MID1: variants seen among roughly 807,000 people sequenced by gnomAD.
The protein encoded by MID1 is midline 1.
In MID1, 7 loss-of-function variants were observed where a neutral mutation model predicts 40.4. That is an observed-to-expected ratio of 0.17 (90% confidence interval 0.10 to 0.33). The LOEUF is 0.33. MID1 is among the 10% of genes least tolerant of loss of function. MID1 has a pLI of 1.00. For missense variants in MID1, 367 were observed against 558.5 expected, an observed-to-expected ratio of 0.66 and a Z score of 3.46; for synonymous variants, 229 against 221.2, an observed-to-expected ratio of 1.04 and a Z score of -0.31.
intron 1 of MID1, among the ~76,000 whole-genome samples, chrX:10,794,484 T>C (rs1013231518): frequency 8.9e-6 from 1 of 112,236 alleles, no homozygotes; most frequent in Non-Finnish European, 1.9e-5. Context: ...AACCATCACA[T>C]AGAAACCAGT....
chrX:10,489,286 C>T (rs7890499), intron 4 of MID1, among the ~76,000 whole-genome samples: 7,825 of 111,992 alleles, frequency 0.07, 563 homozygotes, highest in African/African-American at 0.21. Flanking sequence ...CTTTTGTCAT[C>T]TGTATGTAAA....
At chrX:10,492,638 G>A (rs1227144797) in intron 4 of MID1, among the ~76,000 whole-genome samples, 1 of 111,934 alleles carries the variant, frequency 8.9e-6, no homozygotes, top group Non-Finnish European at 1.9e-5. Context: ...CCCATCTGGA[G>A]CACTTCTAGG....
At chrX:10,693,605 T>C (rs1487491584) in intron 1 of MID1, among the ~76,000 whole-genome samples, 3 of 111,990 alleles carry the variant, frequency 2.7e-5, no homozygotes, top group Non-Finnish European at 1.9e-5. Flanking sequence ...AGAGGCTAAA[T>C]GACTATCAAA....
chrX:10,804,109 T>C (rs2044027941), intron 1 of MID1, among the ~76,000 whole-genome samples: 1 of 112,272 alleles, frequency 8.9e-6, no homozygotes, highest in Admixed American at 9.5e-5. Context: ...GCTTCTATAA[T>C]AGCATTTCCT....
At chrX:10,762,066 C>A (rs191806934) in intron 1 of MID1, among the ~76,000 whole-genome samples, 1 of 111,612 alleles carries the variant, frequency 9.0e-6, no homozygotes, top group East Asian at 2.8e-4. Context: ...ACAATAATTA[C>A]AATATTTACC....
chrX:10,661,502 CG>C (rs1315458620), intron 1 of MID1, among the ~76,000 whole-genome samples: 1 of 109,383 alleles, frequency 9.1e-6, no homozygotes, highest in African/African-American at 3.3e-5. Context: ...TTAGCAGAGA[CG>C]GGGTTTCCAC....
intron 1 of MID1, among the ~76,000 whole-genome samples, chrX:10,752,141 A>T (rs1022116538): frequency 9.0e-6 from 1 of 111,547 alleles, no homozygotes; most frequent in African/African-American, 3.3e-5. Context: ...CCTATAAATT[A>T]CCTAGTCTCA....
chrX:10,695,421 C>T (rs2147079003), intron 1 of MID1, among the ~76,000 whole-genome samples: 1 of 111,952 alleles, frequency 8.9e-6, no homozygotes, highest in African/African-American at 3.2e-5. Context: ...GCCACCATGC[C>T]CAGCCTAAGA....
chrX:10,621,373 CA>C (rs1483040242), upstream of MID1, among the ~76,000 whole-genome samples: 2 of 111,063 alleles, frequency 1.8e-5, no homozygotes, highest in African/African-American at 3.3e-5. Context: ...AAACTCAGAC[CA>C]AAAAAAATTT....
At chrX:10,768,677 A>T (rs1259494931) in intron 1 of MID1, among the ~76,000 whole-genome samples, 1 of 112,131 alleles carries the variant, frequency 8.9e-6, no homozygotes, top group African/African-American at 3.2e-5. Flanking sequence ...TCACTTTTAG[A>T]GAAAGAACAC....
At chrX:10,520,458 C>T (rs1013534837) in intron 3 of MID1, among the ~76,000 whole-genome samples, 1 of 112,244 alleles carries the variant, frequency 8.9e-6, no homozygotes, top group Non-Finnish European at 1.9e-5. Context: ...ACACTGTTCT[C>T]TAACATATTG....
At chrX:10,773,657 T>C (rs1425164831) in intron 1 of MID1, among the ~76,000 whole-genome samples, 1 of 112,431 alleles carries the variant, frequency 8.9e-6, no homozygotes, top group African/African-American at 3.2e-5. Flanking sequence ...TTGTAAATTA[T>C]GTTGTATTGT....
At chrX:10,802,561 C>A (rs1382552605) in intron 1 of MID1, among the ~76,000 whole-genome samples, 4 of 111,895 alleles carry the variant, frequency 3.6e-5, no homozygotes, top group Non-Finnish European at 7.5e-5. Context: ...TGTTTATAAA[C>A]TGTTGATTGT....
chrX:10,825,146 G>A (rs964204998), intron 1 of MID1, among the ~76,000 whole-genome samples: 3 of 111,934 alleles, frequency 2.7e-5, no homozygotes, highest in Non-Finnish European at 5.6e-5. Context: ...AAAATAAAGA[G>A]ACTTACATAA....
intron 1 of MID1, among the ~76,000 whole-genome samples, chrX:10,762,001 T>C (rs114576866): frequency 0.012 from 1,337 of 111,962 alleles, 14 homozygotes; most frequent in African/African-American, 0.04. Flanking sequence ...TCTATATTTA[T>C]AGAGAGGGAA....
chrX:10,610,408 A>G (rs1166600168), intron 1 of MID1, among the ~76,000 whole-genome samples: 1 of 111,800 alleles, frequency 8.9e-6, no homozygotes, highest in Non-Finnish European at 1.9e-5. Flanking sequence ...CCACGTGACT[A>G]GTAGGGGAAG....
intron 1 of MID1, among the ~76,000 whole-genome samples, chrX:10,746,429 T>C (rs1370613501): frequency 1.8e-5 from 2 of 112,349 alleles, no homozygotes; most frequent in African/African-American, 6.5e-5. Context: ...CTCTGGAACA[T>C]GCACATTCGA....
chrX:10,755,042 C>A (rs996977551), intron 1 of MID1, among the ~76,000 whole-genome samples: 3 of 111,579 alleles, frequency 2.7e-5, no homozygotes, highest in African/African-American at 9.8e-5. Context: ...AAAAAGTAAT[C>A]CTACAGTGAC....
intron 9 of MID1, among the ~76,000 whole-genome samples, 167 bp downstream of exon 9, chrX:10,454,694 TTGAATCTGC>T (rs1219212695): frequency 8.9e-6 from 1 of 111,965 alleles, no homozygotes; most frequent in African/African-American, 3.3e-5. Context: ...TGGTTGTTGT[TTGAATCTGC>T]TGAGTTTGGG....
Sources: allele counts gnomAD v4.1 joint callset (sites outside exome capture counted in the v4.1 genomes callset), GRCh38; gene constraint gnomAD v4.1.1; transcripts MANE v1.5; gene names NCBI Gene and HGNC (gene_info 2026-07-23, HGNC 2026-07-21).